The following GSE1 variants were observed in gnomAD, a reference collection of about 807,000 sequenced individuals.
The protein encoded by GSE1 is Gse1 coiled-coil protein.
A neutral mutation model predicts 112.6 loss-of-function variants in GSE1; 32 were observed. The observed-to-expected ratio is 0.28, with a 90% confidence interval of 0.21 to 0.38. The LOEUF is 0.38. Among genes scored for constraint, GSE1 ranks in the 10% least tolerant of loss-of-function variants. The pLI is 1.00. For synonymous variants in GSE1, 1,115 were observed against 735.6 expected (o/e 1.52, Z -8.35); for missense variants, 2,348 against 1,699.2 (o/e 1.38, Z -6.71).
At chr16:85,344,195 G>A (rs911925115) in intron 1 of GSE1, among the ~76,000 whole-genome samples, 2 of 152,210 alleles carry the variant, frequency 1.3e-5, no homozygotes, top group Non-Finnish European at 2.9e-5. Flanking sequence ...AGCCCTGCCC[G>A]GCGGGGGAGC....
chr16:85,361,937 G>C (rs2047090840), intron 2 of GSE1, among the ~76,000 whole-genome samples: 1 of 152,182 alleles, frequency 6.6e-6, no homozygotes, highest in African/African-American at 2.4e-5. Context: ...GTCCAGAGTG[G>C]GGCCACTCCC....
At chr16:85,424,003 A>G (rs1048707215) in intron 2 of GSE1, among the ~76,000 whole-genome samples, 8 of 152,230 alleles carry the variant, frequency 5.3e-5, no homozygotes, top group African/African-American at 1.9e-4. Flanking sequence ...GTCCCTCCTC[A>G]GCCCTCACCT....
At chr16:85,526,279 G>A (rs919959656) in intron 2 of GSE1, among the ~76,000 whole-genome samples, 4 of 152,238 alleles carry the variant, frequency 2.6e-5, no homozygotes, top group Admixed American at 6.5e-5. Flanking sequence ...ATAGGGACTC[G>A]CTGTTCCCTT....
chr16:85,281,151 G>A (rs1006231131), intron 1 of GSE1, among the ~76,000 whole-genome samples: 1 of 152,112 alleles, frequency 6.6e-6, no homozygotes, highest in African/African-American at 2.4e-5. Context: ...CCTCCACAAA[G>A]CCTTAGAGCT....
Position 85,633,920 on chromosome 16 carries a change from G to A in GSE1, c.14G>A (p.Ser5Asn). Reference sequence around the variant, plus strand: ...TCTTCTTTTCCTGTTTCAGGCATGAGCCATGAGCCCAAGTCCCCTTCGCTA... The same window carrying A: ...TCTTCTTTTCCTGTTTCAGGCATGAACCATGAGCCCAAGTCCCCTTCGCTA... The part of the protein sequence containing the change: MKGM[S>N]HEPKSPSLGM... The change falls in exon 2 of 16, where the codon AGC (serine) becomes AAC (asparagine). Residue 5 changes from serine to asparagine, a missense_variant. By Grantham distance (46) the Ser-to-Asn change is conservative. Transcript: ENST00000253458. 6.2e-7 allele frequency: 1 copy of A among 1,609,934 alleles called. No individual in the cohort carries two copies.
At chr16:85,449,126 G>C (rs892020933) in intron 2 of GSE1, among the ~76,000 whole-genome samples, 1 of 152,222 alleles carries the variant, frequency 6.6e-6, no homozygotes, top group African/African-American at 2.4e-5. Flanking sequence ...GCAGGGAGCA[G>C]CTGGCCGGGG....
chr16:85,215,155 A>G (rs2075287909), intron 1 of GSE1, among the ~76,000 whole-genome samples: 1 of 152,190 alleles, frequency 6.6e-6, no homozygotes, highest in Non-Finnish European at 1.5e-5. Context: ...TCCGAATTCT[A>G]TTCTGTGGAG....
rs1259538497 is a variant in GSE1 at position 85,642,800 on chromosome 16, C to T, written c.227-5752C>T. Among the ~76,000 whole-genome samples, 4 of 152,194 alleles carry T rather than the reference C, an allele frequency of 2.6e-5. No individual in the cohort carries two copies. The South Asian group carries it at 8.3e-4, about 31-fold the overall frequency. On this transcript the variant is annotated intron_variant, in intron 2 of 15. Coordinates refer to ENST00000253458, the MANE Select transcript of GSE1 (RefSeq NM_014615.5). ...ACAGCGGCTGGGGGAATGCCTGAGC[C>T]GAGCTCGGCTGGGGAGTCTTTACCT...
At chr16:85,634,726 G>C (rs1567688506) in intron 2 of GSE1, among the ~76,000 whole-genome samples, 2 of 152,158 alleles carry the variant, frequency 1.3e-5, no homozygotes, top group African/African-American at 4.8e-5. Context: ...TGTGAACCTG[G>C]GCACGTTGCT....
intron 2 of GSE1, among the ~76,000 whole-genome samples, chr16:85,540,583 C>T (rs1274757336): frequency 2.0e-5 from 3 of 152,208 alleles, no homozygotes; most frequent in Admixed American, 2.0e-4. Context: ...TATTTCCATT[C>T]CTTTTGGCAT....
intron 1 of GSE1, among the ~76,000 whole-genome samples, chr16:85,242,496 TG>T (rs1372072176): frequency 6.6e-6 from 1 of 152,262 alleles, no homozygotes; most frequent in Non-Finnish European, 1.5e-5. Context: ...CACTTTGCAC[TG>T]GTCCTTCTTC....
At chr16:85,623,272 T>C (rs2048854789) in intron 1 of GSE1, among the ~76,000 whole-genome samples, 1 of 150,640 alleles carries the variant, frequency 6.6e-6, no homozygotes, top group African/African-American at 2.4e-5. Flanking sequence ...TGCAGTGCAG[T>C]CGCGCAATCA....
At chr16:85,493,520 G>A (rs1216088032) in intron 2 of GSE1, among the ~76,000 whole-genome samples, 4 of 152,030 alleles carry the variant, frequency 2.6e-5, no homozygotes, top group African/African-American at 4.8e-5. Flanking sequence ...TTGGGAGGCC[G>A]AGGCAGGCGG....
intron 15 of GSE1, 40 bp from the exon 16 acceptor site, chr16:85,672,365 G>A (rs1368051030): frequency 5.8e-6 from 9 of 1,538,996 alleles, no homozygotes; most frequent in Non-Finnish European, 8.1e-6. Flanking sequence ...TCCTTACAGA[G>A]GAAACGGGTT....
intron 1 of GSE1, among the ~76,000 whole-genome samples, chr16:85,575,045 C>G (rs1233683181): frequency 2.0e-5 from 3 of 151,792 alleles, no homozygotes; most frequent in African/African-American, 7.2e-5. Flanking sequence ...CCCGCTCCCC[C>G]TCTCCCCCGC....
At chr16:85,220,374 C>T (rs776050512) in intron 1 of GSE1, among the ~76,000 whole-genome samples, 4 of 152,294 alleles carry the variant, frequency 2.6e-5, no homozygotes, top group East Asian at 3.9e-4. Context: ...GGCTCCAAGC[C>T]GGCGAGCGGG....
At chr16:85,318,545 G>A (rs563562017) in intron 1 of GSE1, among the ~76,000 whole-genome samples, 64 of 152,296 alleles carry the variant, frequency 4.2e-4, no homozygotes, top group African/African-American at 1.1e-3. Context: ...GATTACAAGC[G>A]TGAGCCACTG....
At chr16:85,662,889 A>T in intron 9 of GSE1, 92 bp from the exon 10 acceptor site, 1 of 893,156 alleles carries the variant, frequency 1.1e-6, no homozygotes, top group Non-Finnish European at 1.8e-6. Context: ...GCCTGGCCTG[A>T]TAGGTGCTCT....
rs1028986487 is a variant in GSE1 at position 85,632,335 on chromosome 16, G to A, written c.8-1579G>A. Reference sequence around the variant, plus strand: ...AACGATGCCCCCCGAACTCGTTCCCGCCTCTCTGTTCTCTCATTTGCAGCC... The same window carrying A: ...AACGATGCCCCCCGAACTCGTTCCCACCTCTCTGTTCTCTCATTTGCAGCC... On this transcript the variant is annotated intron_variant, in intron 1 of 15. Transcript: ENST00000253458. Among the ~76,000 whole-genome samples the A allele has an allele frequency of 3.3e-5, 5 of 152,096 alleles. No individual in the cohort carries two copies. The East Asian group carries it at 7.8e-4, about 24-fold the overall frequency.
Sources: gnomAD v4.1 joint callset for allele counts (sites outside exome capture counted in the v4.1 genomes callset) on GRCh38, gnomAD v4.1.1 for gene constraint, MANE v1.5 for transcripts, NCBI Gene and HGNC (gene_info 2026-07-23, HGNC 2026-07-21) for gene names.